Variants in SLC25A13 observed in about 807,000 individuals in gnomAD.
SLC25A13 encodes the protein electrogenic aspartate/glutamate antiporter SLC25A13, mitochondrial.
In SLC25A13, 70 loss-of-function variants were observed where a neutral mutation model predicts 85.5. The ratio of observed to expected loss-of-function variants is 0.82; its 90% CI spans 0.68 to 1.00. The LOEUF is 1.00. Ranked by LOEUF, SLC25A13 falls within the 50% of genes least tolerant of loss-of-function variation. SLC25A13 has a pLI of 0.00. For missense variants in SLC25A13, 765 were observed against 819.8 expected, an observed-to-expected ratio of 0.93 and a Z score of 0.82; for synonymous variants, 259 against 288.7, an observed-to-expected ratio of 0.90 and a Z score of 1.04.
intron 5 of SLC25A13, among the ~76,000 whole-genome samples, chr7:96,193,433 C>T (rs1325819876): frequency 6.6e-6 from 1 of 152,114 alleles, no homozygotes; most frequent in Non-Finnish European, 1.5e-5. Context: ...CAATTACTTC[C>T]GTGCTCTCTA....
chr7:96,191,094 T>C lies in SLC25A13; in HGVS notation c.754+15A>G. ...CAATACTTGCAGGCTAGAATTCAGA[T>C]ATATTCTCACTCACCCTTAGTCACT... On this transcript the variant is annotated intron_variant, in intron 7 of 17. Coordinates refer to ENST00000265631, the MANE Select transcript of SLC25A13 (RefSeq NM_014251.3). 1 of 1,613,924 alleles carries C rather than the reference T, an allele frequency of 6.2e-7. No individual in the cohort carries two copies. Among genetic ancestry groups the C allele is most frequent in the Non-Finnish European group, 8.5e-7 (1 of 1,179,970 alleles).
intron 1 of SLC25A13, among the ~76,000 whole-genome samples, chr7:96,313,093 G>A (rs936472160): frequency 6.6e-5 from 10 of 152,340 alleles, no homozygotes; most frequent in African/African-American, 2.2e-4. Context: ...AGCAGAGTTT[G>A]AAATATCTTT....
intron 3 of SLC25A13, among the ~76,000 whole-genome samples, chr7:96,270,715 T>C (rs993920596): frequency 6.6e-6 from 1 of 152,016 alleles, no homozygotes; most frequent in Non-Finnish European, 1.5e-5. Flanking sequence ...TAAAATAAAA[T>C]ATAAGTATAA....
chr7:96,245,576 TC>T (rs1489995704), intron 3 of SLC25A13, among the ~76,000 whole-genome samples: 4 of 152,236 alleles, frequency 2.6e-5, no homozygotes, highest in African/African-American at 9.6e-5. Flanking sequence ...ACTACATTGT[TC>T]CTATTTTGTA....
intron 3 of SLC25A13, among the ~76,000 whole-genome samples, chr7:96,249,134 C>T (rs1797317113): frequency 2.0e-5 from 3 of 152,152 alleles, no homozygotes; most frequent in Admixed American, 2.0e-4. Context: ...AGTGAGCTCT[C>T]ATGTCCATTT....
At chr7:96,244,505 T>C (rs541902838) in intron 3 of SLC25A13, among the ~76,000 whole-genome samples, 1 of 152,270 alleles carries the variant, frequency 6.6e-6, no homozygotes, top group South Asian at 2.1e-4. Context: ...TCCTATAGGG[T>C]CTTACCTTTG....
At chr7:96,250,648 C>T (rs1360693987) in intron 3 of SLC25A13, among the ~76,000 whole-genome samples, 1 of 149,070 alleles carries the variant, frequency 6.7e-6, no homozygotes, top group Non-Finnish European at 1.5e-5. Context: ...ACTAGAACAA[C>T]CCCAAAATAC....
At chr7:96,179,175 G>A (rs1470991734) in intron 11 of SLC25A13, among the ~76,000 whole-genome samples, 1 of 152,182 alleles carries the variant, frequency 6.6e-6, no homozygotes, top group Non-Finnish European at 1.5e-5. Flanking sequence ...GAGAATTGGG[G>A]AAAACGATCA....
At chr7:96,258,115 C>T (rs1302935435) in intron 3 of SLC25A13, among the ~76,000 whole-genome samples, 1 of 152,162 alleles carries the variant, frequency 6.6e-6, no homozygotes, top group African/African-American at 2.4e-5. Flanking sequence ...CAATATCATA[C>T]TAAATGGGCA....
At chr7:96,121,605 GAGCATT>G in intron 17 of SLC25A13, 44 bp downstream of exon 17, 1 of 1,557,880 alleles carries the variant, frequency 6.4e-7, no homozygotes, top group Non-Finnish European at 8.9e-7. Context: ...TACGACAACA[GAGCATT>G]AGCAGCAGCC....
chr7:96,234,932 A>T lies in SLC25A13; in HGVS notation c.213-15T>A. On this transcript the variant is annotated splice_polypyrimidine_tract_variant and intron_variant, in intron 3 of 17. Coordinates refer to ENST00000265631, the MANE Select transcript of SLC25A13 (RefSeq NM_014251.3). The stretch of plus-strand genomic sequence containing the variant: ...AAGATATTAATCTGCAACATAAAAC[A>T]AACATAAAGCAAAAGTCAGTAGCTT... 1 of 1,597,112 alleles carries T rather than the reference A, an allele frequency of 6.3e-7. No homozygotes were observed. Among genetic ancestry groups the T allele is most frequent in the Non-Finnish European group, 8.6e-7 (1 of 1,165,124 alleles).
chr7:96,128,506 G>A (rs1386345068), intron 15 of SLC25A13, among the ~76,000 whole-genome samples: 1 of 152,094 alleles, frequency 6.6e-6, no homozygotes, highest in Non-Finnish European at 1.5e-5. Context: ...AAGCTTTGTA[G>A]CTTATTCACT....
intron 3 of SLC25A13, among the ~76,000 whole-genome samples, chr7:96,249,566 A>G (rs1797332331): frequency 6.6e-6 from 1 of 152,156 alleles, no homozygotes; most frequent in Non-Finnish European, 1.5e-5. Context: ...TTCTGTCCCA[A>G]TTGATCTGGC....
chr7:96,194,573 C>T (rs1406213209), intron 5 of SLC25A13, among the ~76,000 whole-genome samples: 1 of 150,168 alleles, frequency 6.7e-6, no homozygotes, highest in African/African-American at 2.4e-5. Context: ...ATAATGACAT[C>T]GTATTTATTC....
At chr7:96,267,087 C>G (rs183200004) in intron 3 of SLC25A13, among the ~76,000 whole-genome samples, 364 of 152,210 alleles carry the variant, frequency 2.4e-3, no homozygotes, top group African/African-American at 8.3e-3. Context: ...GAAAGACCTC[C>G]CCTTATTGAT....
intron 14 of SLC25A13, among the ~76,000 whole-genome samples, chr7:96,145,335 G>C (rs7809375): frequency 0.45 from 68,807 of 151,934 alleles, 15,995 homozygotes; most frequent in East Asian, 0.61. Flanking sequence ...TCGGGGAAGG[G>C]AGATTCTCCT....
chr7:96,185,571 C>T (rs1278958604), intron 9 of SLC25A13, among the ~76,000 whole-genome samples: 2 of 147,882 alleles, frequency 1.4e-5, no homozygotes, highest in Non-Finnish European at 3.0e-5. Context: ...ACTTCAGCCT[C>T]GGCAACAGAG....
chr7:96,148,797 C>T (rs1433616891), intron 13 of SLC25A13, among the ~76,000 whole-genome samples: 10 of 152,134 alleles, frequency 6.6e-5, no homozygotes, highest in Admixed American at 6.5e-4. Context: ...CAAGCACTGC[C>T]AACAGCAGGG....
rs780250852 is a variant in SLC25A13 at position 96,277,180 on chromosome 7, T to G, written c.212+16A>C. 1.8e-5 allele frequency: 28 copies of G among 1,537,422 alleles called. No individual in the cohort carries two copies. Among genetic ancestry groups the G allele is most frequent in the Non-Finnish European group, 2.5e-5 (28 of 1,142,004 alleles). On this transcript the variant is annotated intron_variant, in intron 3 of 17. Transcript: ENST00000265631. ...AAACAAAAAGAATTAAATAAAATAATTAAAAATAAACATACCCATCTTTGG... is the reference window on the plus strand; with the variant it reads ...AAACAAAAAGAATTAAATAAAATAAGTAAAAATAAACATACCCATCTTTGG...
Sources: allele counts gnomAD v4.1 joint callset (sites outside exome capture counted in the v4.1 genomes callset), GRCh38; gene constraint gnomAD v4.1.1; transcripts MANE v1.5; gene names NCBI Gene and HGNC (gene_info 2026-07-23, HGNC 2026-07-21).